GPR39: variants seen among roughly 807,000 people sequenced by gnomAD.
The protein encoded by GPR39 is zinc sensing receptor.
In GPR39, 23 loss-of-function variants were observed where a neutral mutation model predicts 18.4. That is an observed-to-expected ratio of 1.25 (90% CI 0.90 to 1.77). The LOEUF (loss-of-function observed/expected upper bound fraction) is 1.77, where lower values mean the gene tolerates loss of function less well. Among genes scored for constraint, GPR39 ranks in the 40% most tolerant of loss-of-function variants. The pLI is 0.00. For missense variants in GPR39, 647 were observed against 602.4 expected, an observed-to-expected ratio of 1.07 and a Z score of -0.78; for synonymous variants, 280 against 257.9, an observed-to-expected ratio of 1.09 and a Z score of -0.82.
chr2:132,619,565 G>A (rs1286071850), intron 1 of GPR39, among the ~76,000 whole-genome samples: 1 of 152,134 alleles, frequency 6.6e-6, no homozygotes, highest in Non-Finnish European at 1.5e-5. Context: ...TGGGCAGGAA[G>A]GCTGACGGCT....
chr2:132,501,355 G>A (rs1298935238), intron 1 of GPR39, among the ~76,000 whole-genome samples: 1 of 151,970 alleles, frequency 6.6e-6, no homozygotes. Context: ...TTCAGGAGCA[G>A]GTTATTTAAT....
Position 132,626,107 on chromosome 2 carries a change from A to G in GPR39, c.857-18994A>G, listed in dbSNP as rs140368120. Among the ~76,000 whole-genome samples the G allele has an allele frequency of 3.9e-4, 59 of 152,048 alleles. No individual in the cohort carries two copies. In the East Asian group the frequency reaches 0.01, roughly 26 times the overall value. On this transcript the variant is annotated intron_variant, in intron 1 of 1. Coordinates refer to ENST00000329321, the MANE Select transcript of GPR39 (RefSeq NM_001508.3). ...AGAGCGAGACTCCATCTCAAAAAAA[A>G]AAAACAAAAAACTAAAAAAGTAGCC...
intron 1 of GPR39, among the ~76,000 whole-genome samples, chr2:132,636,703 C>T (rs1355358477): frequency 6.6e-6 from 1 of 152,188 alleles, no homozygotes; most frequent in East Asian, 1.9e-4. Context: ...TGCCAGCATT[C>T]TAGAGTTTTA....
At chr2:132,426,314 G>T (rs1169463992) in intron 1 of GPR39, among the ~76,000 whole-genome samples, 1 of 152,216 alleles carries the variant, frequency 6.6e-6, no homozygotes, top group African/African-American at 2.4e-5. Flanking sequence ...AAATTTGTGG[G>T]TTTGAGTCCC....
At chr2:132,639,199 G>A (rs1263276669) in intron 1 of GPR39, among the ~76,000 whole-genome samples, 4 of 151,682 alleles carry the variant, frequency 2.6e-5, no homozygotes, top group African/African-American at 4.9e-5. Flanking sequence ...ATAGGCCCCA[G>A]CCATCAAGAA....
chr2:132,463,999 C>T (rs904530964), intron 1 of GPR39, among the ~76,000 whole-genome samples: 7 of 152,186 alleles, frequency 4.6e-5, no homozygotes, highest in African/African-American at 1.4e-4. Flanking sequence ...GCAGAAATTG[C>T]AAGACGTCTT....
chr2:132,526,144 C>T (rs1020360368), intron 1 of GPR39, among the ~76,000 whole-genome samples: 1 of 152,130 alleles, frequency 6.6e-6, no homozygotes, highest in Non-Finnish European at 1.5e-5. Context: ...GTGTGAAAAT[C>T]CATGCCTTTG....
intron 1 of GPR39, among the ~76,000 whole-genome samples, chr2:132,500,085 G>T (rs1205498529): frequency 6.6e-6 from 1 of 152,122 alleles, no homozygotes; most frequent in African/African-American, 2.4e-5. Flanking sequence ...TCTTTCTCTT[G>T]TCTGATTGCT....
chr2:132,502,812 T>A (rs1679071699), intron 1 of GPR39, among the ~76,000 whole-genome samples: 1 of 152,220 alleles, frequency 6.6e-6, no homozygotes. Flanking sequence ...TTCAAAAGCC[T>A]TGTCTTCGAG....
At chr2:132,478,080 A>G (rs1310829419) in intron 1 of GPR39, among the ~76,000 whole-genome samples, 4 of 152,226 alleles carry the variant, frequency 2.6e-5, no homozygotes, top group African/African-American at 7.2e-5. Context: ...ACTATTTGAA[A>G]TCTGGCTGTT....
chr2:132,552,870 A>G (rs1222402613), intron 1 of GPR39, among the ~76,000 whole-genome samples: 2 of 144,024 alleles, frequency 1.4e-5, no homozygotes, highest in African/African-American at 5.3e-5. Context: ...ATACATATAT[A>G]TACACATATA....
intron 1 of GPR39, among the ~76,000 whole-genome samples, chr2:132,613,920 C>T (rs550300561): frequency 1.1e-4 from 17 of 152,274 alleles, no homozygotes; most frequent in African/African-American, 3.9e-4. Context: ...AAAAGTATGA[C>T]AGAGTGATTA....
intron 1 of GPR39, among the ~76,000 whole-genome samples, chr2:132,570,346 C>T (rs191053053): frequency 2.0e-5 from 3 of 152,260 alleles, no homozygotes; most frequent in Admixed American, 6.5e-5. Flanking sequence ...GAAGTCTCCA[C>T]GTTCACATCC....
At chr2:132,446,226 T>C (rs1187876683) in intron 1 of GPR39, among the ~76,000 whole-genome samples, 1 of 152,230 alleles carries the variant, frequency 6.6e-6, no homozygotes, top group Non-Finnish European at 1.5e-5. Flanking sequence ...CGTACTGCAC[T>C]CACCCTTTTA....
intron 1 of GPR39, among the ~76,000 whole-genome samples, chr2:132,421,586 G>A (rs566909675): frequency 7.2e-5 from 11 of 152,130 alleles, no homozygotes; most frequent in African/African-American, 2.7e-4. Flanking sequence ...CTAGTGGCAG[G>A]GATTACACAT....
At chr2:132,501,057 T>G (rs1165135565) in intron 1 of GPR39, among the ~76,000 whole-genome samples, 9 of 46,188 alleles carry the variant, frequency 1.9e-4, no homozygotes, top group South Asian at 4.4e-4. Flanking sequence ...CTTTTGTGTT[T>G]TTTTTTTTTT....
intron 1 of GPR39, among the ~76,000 whole-genome samples, chr2:132,516,802 AG>A (rs1018402081): frequency 6.6e-6 from 1 of 152,190 alleles, no homozygotes; most frequent in Non-Finnish European, 1.5e-5. Context: ...CACCTAGCAC[AG>A]GTGGGCATTT....
At position 132,417,552 on chromosome 2, in the gene GPR39, G is replaced by A; in HGVS notation, c.510G>A (p.Leu170=). Residue 170 remains leucine, a synonymous_variant, in exon 1 of 2, where the codon TTG becomes TTA. Transcript: ENST00000329321. ...CCTCCGCCCTGGTGGCACTGCCCTT[G>A]CTGTTTGCCATGGGTACTGAGTACC... The part of the protein sequence containing the change: ...WVTSALVALP[L]LFAMGTEYPL... The A allele has an allele frequency of 1.2e-6, 2 of 1,614,112 alleles. No homozygotes were observed. The highest frequency in any genetic ancestry group is 8.5e-7 in the Non-Finnish European group (1 of 1,180,030).
chr2:132,417,921 C>G, intron 1 of GPR39, 23 bp downstream of exon 1: 1 of 1,549,262 alleles, frequency 6.5e-7, no homozygotes, highest in Non-Finnish European at 8.7e-7. Context: ...TCGGGGGCAA[C>G]ACGTGAGCAG....
Sources: gnomAD v4.1 joint callset for allele counts (sites outside exome capture counted in the v4.1 genomes callset) on GRCh38, gnomAD v4.1.1 for gene constraint, MANE v1.5 for transcripts, NCBI Gene and HGNC (gene_info 2026-07-23, HGNC 2026-07-21) for gene names.